TENM2: variants seen among roughly 807,000 people sequenced by gnomAD.
TENM2 encodes the protein teneurin-2.
In TENM2, 52 loss-of-function variants were observed where a neutral mutation model predicts 245.2. The observed-to-expected ratio is 0.21, with a 90% CI of 0.17 to 0.27. The LOEUF is 0.27. TENM2 is among the 10% of genes least tolerant of loss of function. The pLI is 1.00. For synonymous variants in TENM2, 1,363 were observed against 1,438.9 expected (o/e 0.95, Z 1.19); for missense variants, 3,046 against 3,666.8 (o/e 0.83, Z 4.37).
intron 2 of TENM2, among the ~76,000 whole-genome samples, chr5:167,502,049 A>G (rs1184082868): frequency 6.6e-6 from 1 of 152,010 alleles, no homozygotes; most frequent in Non-Finnish European, 1.5e-5. Context: ...TGCTTGCTCT[A>G]GATAGTTTTG....
chr5:167,879,463 A>C (rs191100182), intron 3 of TENM2, among the ~76,000 whole-genome samples: 1 of 152,282 alleles, frequency 6.6e-6, no homozygotes, highest in Admixed American at 6.5e-5. Context: ...CAGAAGCATA[A>C]TTTCAAATCC....
At chr5:167,172,690 C>CT in the TENM2 span, among the ~76,000 whole-genome samples, 1 of 148,954 alleles carries the variant, frequency 6.7e-6, no homozygotes, top group Admixed American at 6.8e-5. Context: ...AGTGGTCCTG[C>CT]TGCTTCTAAT....
intron 3 of TENM2, among the ~76,000 whole-genome samples, chr5:167,910,103 C>A (rs1244334714): frequency 6.6e-6 from 1 of 152,120 alleles, no homozygotes; most frequent in African/African-American, 2.4e-5. Flanking sequence ...CAATGCAACA[C>A]AATGAAAATG....
At chr5:167,520,812 C>T (rs773436555) in intron 2 of TENM2, among the ~76,000 whole-genome samples, 1 of 151,658 alleles carries the variant, frequency 6.6e-6, no homozygotes, top group East Asian at 2.0e-4. Context: ...GCTTGTTTGA[C>T]TTCTCTCAAT....
chr5:167,268,926 A>ATAGATAGATAGG, the TENM2 span, among the ~76,000 whole-genome samples: 301 of 144,982 alleles, frequency 2.1e-3, 2 homozygotes, highest in East Asian at 0.012. Context: ...AGATAGATAG[A>ATAGATAGATAGG]TAGACAGACA....
At chr5:167,512,923 G>A (rs754496786) in intron 2 of TENM2, among the ~76,000 whole-genome samples, 1 of 152,148 alleles carries the variant, frequency 6.6e-6, no homozygotes. Context: ...AGTACTTCTA[G>A]TTGTCAATGC....
At chr5:167,697,236 C>T (rs982771211) in intron 2 of TENM2, among the ~76,000 whole-genome samples, 5 of 152,194 alleles carry the variant, frequency 3.3e-5, no homozygotes, top group Non-Finnish European at 5.9e-5. Flanking sequence ...CCATGACACC[C>T]GCTCCTTGTT....
chr5:167,037,501 C>T, the TENM2 span, among the ~76,000 whole-genome samples: 8 of 152,156 alleles, frequency 5.3e-5, no homozygotes, highest in African/African-American at 9.7e-5. Context: ...ATAAAAACAA[C>T]GTGGATTCGT....
chr5:166,981,614 A>G, the TENM2 span, among the ~76,000 whole-genome samples: 1 of 152,200 alleles, frequency 6.6e-6, no homozygotes, highest in Non-Finnish European at 1.5e-5. Flanking sequence ...TTATTTTGCT[A>G]GGCTCGTGGG....
At chr5:167,973,407 G>A (rs1265388175) in intron 4 of TENM2, among the ~76,000 whole-genome samples, 6 of 152,286 alleles carry the variant, frequency 3.9e-5, no homozygotes, top group African/African-American at 1.4e-4. Context: ...AACATTTGTA[G>A]GGGCCCAACA....
At chr5:167,547,094 T>A (rs562295552) in intron 2 of TENM2, among the ~76,000 whole-genome samples, 1 of 152,140 alleles carries the variant, frequency 6.6e-6, no homozygotes, top group African/African-American at 2.4e-5. Context: ...TTATTATTAT[T>A]ATTATTTTGA....
chr5:168,229,796 GCAGCAGTCTC>G (rs1261002690), intron 25 of TENM2: 1 of 152,186 alleles, frequency 6.6e-6, no homozygotes, highest in African/African-American at 2.4e-5. Flanking sequence ...CATTAGGTTA[GCAGCAGTCTC>G]CCAGGTTTTT....
chr5:167,424,857 C>T (rs745704908), intron 2 of TENM2, among the ~76,000 whole-genome samples: 10 of 152,054 alleles, frequency 6.6e-5, no homozygotes, highest in Non-Finnish European at 1.3e-4. Context: ...TTTTTCTAAC[C>T]TCATTCGCTC....
intron 2 of TENM2, among the ~76,000 whole-genome samples, chr5:167,804,977 GA>G (rs1766045126): frequency 6.6e-6 from 1 of 152,302 alleles, no homozygotes; most frequent in East Asian, 1.9e-4. Context: ...ATGAGAGGAT[GA>G]GACAGTGCAT....
At chr5:167,272,953 T>TACACACAC in the TENM2 span, among the ~76,000 whole-genome samples, 1 of 152,132 alleles carries the variant, frequency 6.6e-6, no homozygotes, top group African/African-American at 2.4e-5. Flanking sequence ...TGCATCCATT[T>TACACACAC]ACACACACAT....
intron 3 of TENM2, among the ~76,000 whole-genome samples, chr5:167,906,428 G>A (rs1402769602): frequency 6.6e-6 from 1 of 152,180 alleles, no homozygotes; most frequent in Non-Finnish European, 1.5e-5. Flanking sequence ...CCGTGCACCT[G>A]TTTGCCCAAG....
At chr5:167,842,579 TCAAAAAA>T (rs1370528285) in intron 2 of TENM2, among the ~76,000 whole-genome samples, 1 of 32,950 alleles carries the variant, frequency 3.0e-5, no homozygotes, top group African/African-American at 1.5e-4. Flanking sequence ...AGACTCCATG[TCAAAAAA>T]AAAAAAAAAA....
At chr5:167,156,436 A>G in the TENM2 span, among the ~76,000 whole-genome samples, 4 of 152,068 alleles carry the variant, frequency 2.6e-5, no homozygotes, top group Non-Finnish European at 1.5e-5. Context: ...AAAAATACGT[A>G]TTTGCCTCAA....
At chr5:167,549,532 T>A (rs937559830) in intron 2 of TENM2, among the ~76,000 whole-genome samples, 6 of 152,142 alleles carry the variant, frequency 3.9e-5, no homozygotes, top group African/African-American at 7.2e-5. Context: ...TGGCCTAATA[T>A]GGAGGAGTGG....
Sources: allele counts gnomAD v4.1 joint callset (sites outside exome capture counted in the v4.1 genomes callset), GRCh38; gene constraint gnomAD v4.1.1; transcripts MANE v1.5; gene names NCBI Gene and HGNC (gene_info 2026-07-23, HGNC 2026-07-21).